RBM6: variants seen among roughly 807,000 people sequenced by gnomAD.
The protein encoded by RBM6 is RNA-binding protein 6.
RBM6 carries 23 observed loss-of-function variants against 140.4 expected under a neutral mutation model. The ratio of observed to expected loss-of-function variants is 0.16; its 90% CI spans 0.12 to 0.23. RBM6 has a LOEUF of 0.23. Among genes scored for constraint, RBM6 ranks in the 10% least tolerant of loss-of-function variants. The pLI is 1.00. For synonymous variants in RBM6, 439 were observed against 475.6 expected, an observed-to-expected ratio of 0.92 and a Z score of 1.00; for missense variants, 1,139 against 1,386.7, an observed-to-expected ratio of 0.82 and a Z score of 2.84.
rs571356617 is a variant in RBM6 at position 50,036,040 on chromosome 3, G to A, written c.1558-12205G>A. Among the ~76,000 whole-genome samples, 60 of 151,972 alleles carry A rather than the reference G, an allele frequency of 3.9e-4. No individual in the cohort carries two copies. In the Middle Eastern group the frequency reaches 0.01, roughly 26 times the overall value. On this transcript the variant is annotated intron_variant, in intron 6 of 20. Transcript: ENST00000266022. ...CTCCCAAAGTGCTGGGATTACAGAC[G>A]TGAGCCACTGCGCCCAGCTCAATTT...
intron 2 of RBM6, among the ~76,000 whole-genome samples, chr3:49,964,211 G>A (rs1010092846): frequency 2.0e-5 from 3 of 152,106 alleles, no homozygotes; most frequent in African/African-American, 7.2e-5. Flanking sequence ...CTGCCATTTG[G>A]ATTGGCAATC....
intron 6 of RBM6, among the ~76,000 whole-genome samples, chr3:50,028,711 C>T (rs1301615242): frequency 6.6e-6 from 1 of 152,166 alleles, no homozygotes; most frequent in African/African-American, 2.4e-5. Flanking sequence ...AAAGCAGGGA[C>T]TATTTCTTTT....
intron 8 of RBM6, among the ~76,000 whole-genome samples, chr3:50,057,373 G>A (rs931090785): frequency 6.6e-6 from 1 of 151,986 alleles, no homozygotes; most frequent in African/African-American, 2.4e-5. Context: ...GATCACCTGA[G>A]GTCAGGAGTT....
intron 7 of RBM6, among the ~76,000 whole-genome samples, chr3:50,048,977 A>G (rs1488129644): frequency 6.8e-6 from 1 of 147,972 alleles, no homozygotes; most frequent in Non-Finnish European, 1.5e-5. Context: ...TGATTTTTGT[A>G]TTTTTAGTAG....
In RBM6 at chr3:49,975,347, G is replaced by C; in HGVS notation, c.1438G>C (p.Asp480His). Residue 480 changes from aspartate to histidine, a missense_variant, in exon 5 of 21, where the codon GAT (aspartate) becomes CAT (histidine). Physicochemically the swap from Asp to His is moderately conservative, Grantham distance 81. Transcript: ENST00000266022. ...GATTCTTAATGCTTTTCGGACTCCTGATGGCATGCCTGTAAAGAACTTGCA... is the reference window on the plus strand; with the variant it reads ...GATTCTTAATGCTTTTCGGACTCCTCATGGCATGCCTGTAAAGAACTTGCA... ...EEILNAFRTP[D>H]GMPVKNLQLK... The C allele has an allele frequency of 6.2e-7, 1 of 1,613,778 alleles. No homozygotes were observed. The highest frequency in any genetic ancestry group is 8.5e-7 in the Non-Finnish European group (1 of 1,179,688).
At chr3:50,037,464 A>G (rs911823433) in intron 6 of RBM6, among the ~76,000 whole-genome samples, 1 of 152,170 alleles carries the variant, frequency 6.6e-6, no homozygotes, top group Non-Finnish European at 1.5e-5. Context: ...GTATGTATTC[A>G]GAAGTCCAGA....
At chr3:50,069,432 T>A (rs1230235080) in intron 18 of RBM6, among the ~76,000 whole-genome samples, 2 of 144,760 alleles carry the variant, frequency 1.4e-5, no homozygotes, top group African/African-American at 2.6e-5. Flanking sequence ...TCGCATGAGC[T>A]GGGAGGCAGA....
chr3:50,012,355 A>C (rs1206485477), intron 6 of RBM6, among the ~76,000 whole-genome samples: 1 of 147,506 alleles, frequency 6.8e-6, no homozygotes, highest in African/African-American at 2.5e-5. Flanking sequence ...GTCCATTCCA[A>C]TTTTTTTTTT....
intron 15 of RBM6, 84 bp from the exon 16 acceptor site, chr3:50,064,947 T>C (rs753475377): frequency 1.4e-4 from 163 of 1,131,736 alleles, no homozygotes; most frequent in Non-Finnish European, 2.0e-4. Flanking sequence ...GCTGGGATTA[T>C]AGGCGTGAGC....
chr3:50,047,272 C>G, intron 6 of RBM6: 1 of 985,264 alleles, frequency 1.0e-6, no homozygotes, highest in African/African-American at 1.7e-5. Context: ...ACAGAGGACC[C>G]TAGAGGGCGG....
intron 4 of RBM6, 22 bp from the exon 5 acceptor site, chr3:49,975,301 T>C (rs1413414364): frequency 1.3e-6 from 2 of 1,573,000 alleles, no homozygotes; most frequent in Admixed American, 3.3e-5. Flanking sequence ...GTATCATTTG[T>C]ATAAATGCCA....
chr3:50,061,805 G>T, intron 14 of RBM6, 157 bp from the exon 15 acceptor site: 1 of 1,252,432 alleles, frequency 8.0e-7, no homozygotes. Flanking sequence ...ATGTGTCCTG[G>T]TCCCTGGAGT....
intron 6 of RBM6, among the ~76,000 whole-genome samples, chr3:50,040,545 C>CAT (rs1164504560): frequency 6.3e-5 from 9 of 143,432 alleles, no homozygotes; most frequent in East Asian, 2.0e-4. Flanking sequence ...CACACACATG[C>CAT]ATATATATAT....
intron 1 of RBM6, among the ~76,000 whole-genome samples, chr3:49,942,214 G>T (rs953767211): frequency 6.6e-6 from 1 of 152,022 alleles, no homozygotes; most frequent in Non-Finnish European, 1.5e-5. Flanking sequence ...ATTCAGCCAG[G>T]CACGGTGGCT....
rs775051003 is a variant in RBM6, at chr3:50,059,610, A to G, written c.2131-39A>G. On this transcript the variant is annotated intron_variant, in intron 10 of 20. Coordinates refer to ENST00000266022, the MANE Select transcript of RBM6 (RefSeq NM_005777.3). ...AATTTTTCTGTCTTTGGGTTCTGGC[A>G]TTTTCTGTCTCTGGGTTCAAGTGTG... 17 of 1,545,826 alleles carry G rather than the reference A, an allele frequency of 1.1e-5. 1 individual carries two copies. The highest frequency in any genetic ancestry group is 1.1e-4 in the South Asian group (9 of 84,722).
intron 5 of RBM6, among the ~76,000 whole-genome samples, chr3:49,980,761 TAAA>T (rs1208250264): frequency 8.4e-6 from 1 of 119,130 alleles, no homozygotes. Context: ...GAATTCATCT[TAAA>T]AAAAAAAAAA....
At chr3:49,941,699 G>A (rs942088693) in intron 1 of RBM6, among the ~76,000 whole-genome samples, 1 of 136,974 alleles carries the variant, frequency 7.3e-6, no homozygotes. Context: ...AACCAACATA[G>A]TAGAGGCAGC....
intron 6 of RBM6, among the ~76,000 whole-genome samples, chr3:50,011,070 GC>G (rs1421274968): frequency 6.6e-6 from 1 of 151,798 alleles, no homozygotes; most frequent in East Asian, 1.9e-4. Flanking sequence ...GTCTTAAAAT[GC>G]ATCAAGAGGG....
At chr3:49,954,762 C>CTT (rs200962144) in intron 1 of RBM6, among the ~76,000 whole-genome samples, 1 of 143,876 alleles carries the variant, frequency 7.0e-6, no homozygotes, top group Non-Finnish European at 1.5e-5. Flanking sequence ...ATTTTGCACA[C>CTT]TTTTTTTTTT....
Sources: gnomAD v4.1 joint callset for allele counts (sites outside exome capture counted in the v4.1 genomes callset) on GRCh38, gnomAD v4.1.1 for gene constraint, MANE v1.5 for transcripts, NCBI Gene and HGNC (gene_info 2026-07-23, HGNC 2026-07-21) for gene names.